ENO4: variants seen among roughly 807,000 people sequenced by gnomAD.
ENO4 encodes enolase 4.
Under a neutral mutation model 63.2 loss-of-function variants are expected in ENO4, and 53 were observed. The ratio of observed to expected loss-of-function variants is 0.84; its 90% CI spans 0.67 to 1.05. ENO4 has a LOEUF of 1.05. Ranked by LOEUF, ENO4 falls within the 50% of genes least tolerant of loss-of-function variation. The pLI is 0.00. For missense variants in ENO4, 719 were observed against 772.0 expected (o/e 0.93, Z 0.81); for synonymous variants, 266 against 283.8 (o/e 0.94, Z 0.63).
At chr10:116,865,441 T>C (rs912515448) in intron 7 of ENO4, among the ~76,000 whole-genome samples, 4 of 152,166 alleles carry the variant, frequency 2.6e-5, no homozygotes, top group Non-Finnish European at 4.4e-5. Context: ...CGCCTCGGCC[T>C]CCCAAAGTGC....
At chr10:116,879,130 G>C (rs1053032107) in intron 11 of ENO4, among the ~76,000 whole-genome samples, 161 bp from the exon 12 acceptor site, 2 of 152,132 alleles carry the variant, frequency 1.3e-5, no homozygotes, top group African/African-American at 4.8e-5. Flanking sequence ...ACAAACAAAA[G>C]CAGGGCAATA....
chr10:116,902,086 A>G (rs1847762430), intron 10 of ENO4: 2 of 767,662 alleles, frequency 2.6e-6, no homozygotes, highest in South Asian at 4.0e-5. Flanking sequence ...TTTCAAGAGC[A>G]TGCTGGAAAA....
chr10:116,911,649 C>T (rs1015745618), exon 11 of ENO4: 15 of 1,563,334 alleles, frequency 9.6e-6, no homozygotes, highest in East Asian at 4.7e-5. Context: ...TCTGTAAGCA[C>T]GATCAAATAA....
intron 13 of ENO4, among the ~76,000 whole-genome samples, chr10:116,880,201 TTGA>T (rs1328485050): frequency 1.3e-5 from 2 of 152,188 alleles, no homozygotes; most frequent in Non-Finnish European, 2.9e-5. Flanking sequence ...GCCCTTTTTC[TTGA>T]TGAATAGGCT....
rs1465192638 is a variant in ENO4 at position 116,863,665 on chromosome 10, T to C, written c.990+813T>C. On this transcript the variant is annotated intron_variant, in intron 7 of 13. Transcript: ENST00000341276. The stretch of plus-strand genomic sequence containing the variant: ...CCAGTAGGATGGGGCTGGGATACAA[T>C]AGCAGTGTAACATGGAGGCACTTTG... 3.9e-5 allele frequency among the ~76,000 whole-genome samples: 6 copies of C among 152,318 alleles called. No individual in the cohort carries two copies. In the South Asian group the frequency reaches 8.3e-4, roughly 21 times the overall value.
chr10:116,851,502 A>G (rs929957414), intron 1 of ENO4, among the ~76,000 whole-genome samples: 1 of 152,236 alleles, frequency 6.6e-6, no homozygotes, highest in African/African-American at 2.4e-5. Flanking sequence ...TCAAAAAGAA[A>G]AACAGAAAAA....
At position 116,907,523 on chromosome 10, in the gene ENO4, G is replaced by A. The variant is rs117651711; in HGVS notation, c.1195-3976G>A. 9.1e-3 allele frequency among the ~76,000 whole-genome samples: 1,391 copies of A among 152,242 alleles called. 11 individuals carry two copies. Among genetic ancestry groups the A allele is most frequent in the Non-Finnish European group, 0.015 (1,044 of 68,022 alleles). ...CATGTTTCCCTGCTCTGGCTCTTCC[G>A]GGAAGTATGTTACAGAGTGAGAGCT... On this transcript the variant is annotated intron_variant, in intron 10 of 10. Coordinates refer to the ENO4 transcript ENST00000369207.
At chr10:116,906,709 T>G in intron 10 of ENO4, 1 of 1,613,208 alleles carries the variant, frequency 6.2e-7, no homozygotes, top group Non-Finnish European at 8.5e-7. Context: ...GGTCAAGGGA[T>G]TTTAAGCTTC....
chr10:116,856,800 G>A, intron 3 of ENO4, 118 bp downstream of exon 3: 2 of 830,018 alleles, frequency 2.4e-6, no homozygotes, highest in Non-Finnish European at 3.5e-6. Context: ...AGGAGGTCGA[G>A]ACCACGGTGA....
intron 9 of ENO4, chr10:116,873,723 C>G (rs536426720): frequency 1.9e-5 from 4 of 214,764 alleles, no homozygotes; most frequent in African/African-American, 9.4e-5. Flanking sequence ...GTTAGCATTG[C>G]TATTCTGCTT....
At chr10:116,893,576 G>GCACGCACACACACACACACACACA (rs1554905665) in intron 10 of ENO4, among the ~76,000 whole-genome samples, 4 of 123,592 alleles carry the variant, frequency 3.2e-5, no homozygotes, top group African/African-American at 1.3e-4. Context: ...GCACTCATGT[G>GCACGCACACACACACACACACACA]CACACACACA....
chr10:116,889,181 G>A (rs1847257433), intron 10 of ENO4, among the ~76,000 whole-genome samples: 1 of 152,190 alleles, frequency 6.6e-6, no homozygotes, highest in African/African-American at 2.4e-5. Context: ...CCTAGAAAAA[G>A]CTTTCTTCAT....
In ENO4 at chr10:116,856,548, CGAGCTGGCCAAGGCGGAGGAGGCA is replaced by C; in HGVS notation, c.355_378del (p.Leu119_Glu126del). 1 of 1,536,096 alleles carries C rather than the reference CGAGCTGGCCAAGGCGGAGGAGGCA, an allele frequency of 6.5e-7. No individual in the cohort carries two copies. The highest frequency in any genetic ancestry group is 8.7e-7 in the Non-Finnish European group (1 of 1,146,916). ...TTGAAGTCCATGAGAATGCTCTGCC[CGAGCTGGCCAAGGCGGAGGAGGCA>C]GAGAGGGCCAGCGCGGTGAGCACCG... is the stretch of plus-strand genomic sequence containing the variant. On this transcript the variant is annotated inframe_deletion, in exon 3 of 14. Transcript: ENST00000341276.
intron 10 of ENO4, among the ~76,000 whole-genome samples, chr10:116,890,300 A>C (rs1847298708): frequency 1.3e-5 from 2 of 152,246 alleles, no homozygotes; most frequent in African/African-American, 2.4e-5. Flanking sequence ...AAATTTTACA[A>C]GTATCACTTA....
intron 4 of ENO4, among the ~76,000 whole-genome samples, chr10:116,859,593 T>C (rs1323541940): frequency 6.6e-6 from 1 of 152,242 alleles, no homozygotes; most frequent in African/African-American, 2.4e-5. Context: ...ATAGAAATTA[T>C]CACTTCAATT....
At chr10:116,901,090 TTTTC>T (rs1401501799) in intron 10 of ENO4, 4 of 985,196 alleles carry the variant, frequency 4.1e-6, no homozygotes, top group Middle Eastern at 1.0e-3. Context: ...CACCTCTTCC[TTTTC>T]TTTAAGTGAC....
At chr10:116,900,833 A>G (rs1847703790) in intron 10 of ENO4, 1 of 985,326 alleles carries the variant, frequency 1.0e-6, no homozygotes, top group South Asian at 4.7e-5. Flanking sequence ...GTAAATCAGC[A>G]AAGAAGGCCA....
chr10:116,871,154 TG>T lies in ENO4; in HGVS notation c.1079del (p.Gly360AlafsTer3). ...QQITGKMSHL[G>X]CLTINCDSIE... ...AGATCACTGGCAAGATGTCTCATCT[TG>T]GCTGTTTAACCATTAACTGTGACTC... is the stretch of plus-strand genomic sequence containing the variant. On this transcript the variant is annotated frameshift_variant, in exon 9 of 14. Transcript: ENST00000341276. LOFTEE classifies it high-confidence loss of function. The T allele has an allele frequency of 6.4e-7, 1 of 1,550,540 alleles. No individual in the cohort carries two copies. Among genetic ancestry groups the T allele is most frequent in the Non-Finnish European group, 8.7e-7 (1 of 1,146,966 alleles).
chr10:116,898,777 T>C (rs1375081646), intron 10 of ENO4, among the ~76,000 whole-genome samples: 1 of 152,194 alleles, frequency 6.6e-6, no homozygotes, highest in Non-Finnish European at 1.5e-5. Context: ...AAAACACCCT[T>C]GCTTTGCATA....
Sources: gnomAD v4.1 joint callset for allele counts (sites outside exome capture counted in the v4.1 genomes callset) on GRCh38, gnomAD v4.1.1 for gene constraint, MANE v1.5 for transcripts, NCBI Gene and HGNC (gene_info 2026-07-23, HGNC 2026-07-21) for gene names.